The following NRIP1 variants were observed in gnomAD, a reference collection of about 807,000 sequenced individuals.
The protein encoded by NRIP1 is nuclear receptor interacting protein 1.
A neutral mutation model predicts 75.0 loss-of-function variants in NRIP1; 28 were observed. The ratio of observed to expected loss-of-function variants is 0.37; its 90% CI spans 0.28 to 0.51. The LOEUF (loss-of-function observed/expected upper bound fraction) is 0.51. Among genes scored for constraint, NRIP1 ranks in the 20% least tolerant of loss-of-function variants. The pLI, the probability that NRIP1 is intolerant of heterozygous loss-of-function variation, is 0.92. For synonymous variants in NRIP1, 526 were observed against 487.6 expected, an observed-to-expected ratio of 1.08 and a Z score of -1.04; for missense variants, 1,435 against 1,343.7, an observed-to-expected ratio of 1.07 and a Z score of -1.06.
Position 14,966,571 on chromosome 21 carries a change from T to C in NRIP1, c.1622A>G (p.Glu541Gly). Residue 541 changes from glutamate (E) to glycine (G), a missense_variant, in exon 4 of 4, where the codon GAA (glutamate) becomes GGA (glycine). Physicochemically the swap from Glu to Gly is moderately conservative, Grantham distance 98. Coordinates refer to ENST00000318948, the MANE Select transcript of NRIP1 (RefSeq NM_003489.4). ...AGTAGTCCGATTTGTACTGGGGCTTTCTATCACAGAAGTCCTTGCATAATT... is the reference window on the plus strand; with the variant it reads ...AGTAGTCCGATTTGTACTGGGGCTTCCTATCACAGAAGTCCTTGCATAATT... ...TQNYARTSVI[E>G]SPSTNRTTPV... 1 of 1,614,094 alleles carries C rather than the reference T, an allele frequency of 6.2e-7. No individual in the cohort carries two copies. Among genetic ancestry groups the C allele is most frequent in the Non-Finnish European group, 8.5e-7 (1 of 1,179,988 alleles).
Position 14,968,074 on chromosome 21 carries a change from T to G in NRIP1, c.119A>C (p.Lys40Thr), listed in dbSNP as rs769486355. Residue 40 changes from lysine (K) to threonine (T), a missense_variant, in exon 4 of 4, where the codon AAG becomes ACG. Physicochemically the swap from Lys to Thr is moderately conservative, Grantham distance 78 (BLOSUM62 -1). Coordinates refer to ENST00000318948, the MANE Select transcript of NRIP1 (RefSeq NM_003489.4). ...AGGSGTAVDKKSAGHNEEDQN... is the reference protein window; with the variant it reads ...AGGSGTAVDKTSAGHNEEDQN... ...ATCCTCTTCATTATGCCCAGCAGAC[T>G]TTTTGTCAACGGCAGTACCTGATCC... The G allele has an allele frequency of 5.6e-6, 9 of 1,613,956 alleles. No individual in the cohort carries two copies. In the African/African-American group the frequency reaches 9.3e-5, roughly 17 times the overall value.
intron 2 of NRIP1, among the ~76,000 whole-genome samples, chr21:15,019,309 T>C (rs890335470): frequency 3.0e-5 from 4 of 134,728 alleles, no homozygotes; most frequent in African/African-American, 1.3e-4. Context: ...GTGCAACAAA[T>C]ATAAAGATAG....
chr21:15,045,822 T>G (rs997394764), intron 1 of NRIP1, among the ~76,000 whole-genome samples: 4 of 152,230 alleles, frequency 2.6e-5, no homozygotes, highest in African/African-American at 9.6e-5. Flanking sequence ...TTCAACAATG[T>G]TCACAGTATC....
chr21:15,064,127 C>G (rs77178144), intron 1 of NRIP1, among the ~76,000 whole-genome samples: 1 of 152,270 alleles, frequency 6.6e-6, no homozygotes, highest in Non-Finnish European at 1.5e-5. Context: ...CGGGCTCACC[C>G]TAAATGGGGG....
chr21:15,050,827 C>T (rs1311142330), intron 1 of NRIP1: 2 of 455,934 alleles, frequency 4.4e-6, no homozygotes, highest in Non-Finnish European at 8.8e-6. Flanking sequence ...CAATCCACAG[C>T]GATACCTCCT....
chr21:15,031,243 G>A (rs1276998680), intron 2 of NRIP1, among the ~76,000 whole-genome samples: 6 of 121,318 alleles, frequency 4.9e-5, no homozygotes, highest in South Asian at 3.1e-4. Context: ...GAAGGTGGTT[G>A]GAGGTTCACC....
At chr21:15,019,399 A>G (rs959957347) in intron 2 of NRIP1, among the ~76,000 whole-genome samples, 2 of 149,776 alleles carry the variant, frequency 1.3e-5, no homozygotes, top group East Asian at 2.0e-4. Flanking sequence ...AGGACTCTAC[A>G]AGAAACCCAA....
Position 14,965,256 on chromosome 21 carries a change from A to G in NRIP1, c.2937T>C (p.Ser979=). 6.2e-7 allele frequency: 1 copy of G among 1,614,026 alleles called. No homozygotes were observed. Among genetic ancestry groups the G allele is most frequent in the Non-Finnish European group, 8.5e-7 (1 of 1,179,948 alleles). ...AACTGTACATCAGTCCATTTAAAGAAGAAATGCTAAATTCAGGTTTGCTGT... is the reference window on the plus strand; with the variant it reads ...AACTGTACATCAGTCCATTTAAAGAGGAAATGCTAAATTCAGGTTTGCTGT... ...VTNSKPEFSI[S]SLNGLMYSST... The change falls in exon 4 of 4, where the codon TCT becomes TCC. Residue 979 remains serine, a synonymous_variant. Coordinates refer to ENST00000318948, the MANE Select transcript of NRIP1 (RefSeq NM_003489.4).
rs1271331314 is a variant in NRIP1 at position 14,968,410 on chromosome 21, G to C, written c.-218C>G. ...TGCTGATCAACTTCTACGCAAGGAG[G>C]AGGAGAAGAATTCCTTAACACATAG... is the stretch of plus-strand genomic sequence containing the variant. On this transcript the variant is annotated 5_prime_UTR_variant, in exon 4 of 4. Coordinates refer to ENST00000318948, the MANE Select transcript of NRIP1 (RefSeq NM_003489.4). 4.4e-5 allele frequency: 23 copies of C among 519,902 alleles called. No individual in the cohort carries two copies. Among genetic ancestry groups the C allele is most frequent in the Non-Finnish European group, 7.6e-5 (22 of 287,978 alleles). The allele number at this position is 519,902 out of a possible 1,614,324, so 32.2% of individuals were successfully genotyped here. A position where few individuals can be genotyped will look rare whatever the true frequency, so the allele number is the denominator to read the frequency against.
chr21:15,051,351 T>C (rs1420418052), intron 1 of NRIP1: 1 of 159,248 alleles, frequency 6.3e-6, no homozygotes. Flanking sequence ...TTATTACACC[T>C]TTAAAAAGAG....
intron 2 of NRIP1, among the ~76,000 whole-genome samples, chr21:15,041,148 G>A (rs1164716450): frequency 1.3e-5 from 2 of 151,990 alleles, no homozygotes; most frequent in Non-Finnish European, 2.9e-5. Context: ...TCATAGAATA[G>A]AACATAGACA....
intron 2 of NRIP1, among the ~76,000 whole-genome samples, chr21:15,019,803 A>T (rs2088328802): frequency 6.6e-6 from 1 of 151,832 alleles, no homozygotes; most frequent in Non-Finnish European, 1.5e-5. Context: ...ATTTATTCTT[A>T]AGCTTTATTC....
At chr21:15,034,425 A>G (rs868235357) in intron 2 of NRIP1, among the ~76,000 whole-genome samples, 23 of 152,222 alleles carry the variant, frequency 1.5e-4, no homozygotes, top group Admixed American at 3.3e-4. Flanking sequence ...AACCTATCAC[A>G]GCCATACTAT....
At chr21:15,039,178 G>T (rs1459019516) in intron 2 of NRIP1, among the ~76,000 whole-genome samples, 2 of 152,028 alleles carry the variant, frequency 1.3e-5, no homozygotes, top group African/African-American at 4.8e-5. Context: ...GCAGAGAAAT[G>T]ATTTTCTTTT....
At chr21:15,048,496 T>C (rs2089136498) in intron 1 of NRIP1, among the ~76,000 whole-genome samples, 1 of 152,146 alleles carries the variant, frequency 6.6e-6, no homozygotes, top group Admixed American at 6.5e-5. Flanking sequence ...AGAAGGCATC[T>C]CCTCAAAATA....
chr21:15,031,124 TAC>T (rs1438666301), intron 2 of NRIP1, among the ~76,000 whole-genome samples: 4 of 131,960 alleles, frequency 3.0e-5, no homozygotes, highest in Admixed American at 7.7e-5. Flanking sequence ...TCTATGTGTA[TAC>T]ACTCTGGAAG....
intron 3 of NRIP1, among the ~76,000 whole-genome samples, chr21:14,991,825 C>T (rs1176982948): frequency 1.3e-5 from 2 of 152,096 alleles, no homozygotes; most frequent in African/African-American, 4.8e-5. Flanking sequence ...TATTAACACC[C>T]AGGCATATGA....
rs2086639773 is a variant in NRIP1, at chr21:14,963,395, AT to A, written c.*1320del. ...CATTAGAACACACAAATAATCACAG[AT>A]TTTCCTGAGATGTTGAGCCAGATAT... is the stretch of plus-strand genomic sequence containing the variant. On this transcript the variant is annotated 3_prime_UTR_variant, in exon 4 of 4. Transcript: ENST00000318948. 1 of 152,400 alleles carries A rather than the reference AT, an allele frequency of 6.6e-6. No individual in the cohort carries two copies. Among genetic ancestry groups the A allele is most frequent in the Admixed American group, 6.6e-5 (1 of 15,230 alleles). 9.4% of individuals were successfully genotyped at this position (152,400 alleles called of 1,614,324 possible).
intron 3 of NRIP1, among the ~76,000 whole-genome samples, chr21:15,003,969 A>C (rs548492149): frequency 6.6e-6 from 1 of 152,188 alleles, no homozygotes; most frequent in Non-Finnish European, 1.5e-5. Context: ...AATCACACTA[A>C]CCATTTCCTC....
Sources: gnomAD v4.1 joint callset for allele counts (sites outside exome capture counted in the v4.1 genomes callset) on GRCh38, gnomAD v4.1.1 for gene constraint, MANE v1.5 for transcripts, NCBI Gene and HGNC (gene_info 2026-07-23, HGNC 2026-07-21) for gene names.